PPP1R12B: variants seen among roughly 807,000 people sequenced by gnomAD.
PPP1R12B encodes the protein myosin phosphatase target subunit 2.
PPP1R12B carries 76 observed loss-of-function variants against 126.1 expected under a neutral mutation model. That is an observed-to-expected ratio of 0.60 (90% CI 0.50 to 0.73). The LOEUF (loss-of-function observed/expected upper bound fraction) is 0.73, where lower values mean the gene tolerates loss of function less well. Ranked by LOEUF, PPP1R12B falls within the 30% of genes least tolerant of loss-of-function variation. The pLI is 0.00. For missense variants in PPP1R12B, 1,052 were observed against 1,205.1 expected (o/e 0.87, Z 1.88); for synonymous variants, 356 against 434.7 (o/e 0.82, Z 2.25).
chr1:202,517,740 CTCA>C (rs1263034669), intron 18 of PPP1R12B, among the ~76,000 whole-genome samples: 1 of 152,048 alleles, frequency 6.6e-6, no homozygotes, highest in East Asian at 1.9e-4. Context: ...GTTCTCCTGC[CTCA>C]GCCTCTCAAG....
intron 12 of PPP1R12B, 89 bp downstream of exon 12, chr1:202,442,661 A>G (rs1337714354): frequency 2.2e-6 from 3 of 1,338,092 alleles, no homozygotes; most frequent in Non-Finnish European, 3.0e-6. Flanking sequence ...TGTCCAATTA[A>G]CACCGCAGAA....
chr1:202,551,863 G>A (rs1185930587), intron 18 of PPP1R12B, among the ~76,000 whole-genome samples: 1 of 152,184 alleles, frequency 6.6e-6, no homozygotes, highest in Non-Finnish European at 1.5e-5. Flanking sequence ...GCAGTAAGCA[G>A]CCACTACCCT....
intron 1 of PPP1R12B, among the ~76,000 whole-genome samples, chr1:202,401,194 C>G (rs1201312651): frequency 6.6e-6 from 1 of 151,052 alleles, no homozygotes; most frequent in Middle Eastern, 3.4e-3. Context: ...TCTCTTTTTT[C>G]TCTTTTTTTT....
chr1:202,366,189 C>T (rs1396446794), intron 1 of PPP1R12B, among the ~76,000 whole-genome samples: 4 of 151,998 alleles, frequency 2.6e-5, no homozygotes, highest in African/African-American at 9.7e-5. Context: ...GTGTAAGACC[C>T]CTGGTAAACT....
intron 21 of PPP1R12B, among the ~76,000 whole-genome samples, chr1:202,566,116 G>A (rs182297232): frequency 4.6e-5 from 7 of 152,178 alleles, no homozygotes; most frequent in East Asian, 1.9e-4. Flanking sequence ...TCTTCTCAGC[G>A]GAAGCTTCTG....
intron 10 of PPP1R12B, chr1:202,438,873 C>T: frequency 7.5e-7 from 1 of 1,326,882 alleles, no homozygotes; most frequent in South Asian, 1.2e-5. Context: ...CTGCTATAGC[C>T]CCCAGGGCAG....
At chr1:202,452,534 A>G (rs1427180869) in intron 13 of PPP1R12B, among the ~76,000 whole-genome samples, 1 of 151,362 alleles carries the variant, frequency 6.6e-6, no homozygotes, top group Non-Finnish European at 1.5e-5. Context: ...TCAGAGGGAG[A>G]CCGTTTAAAG....
At chr1:202,426,193 T>C (rs1474141210) in intron 4 of PPP1R12B, among the ~76,000 whole-genome samples, 2 of 152,208 alleles carry the variant, frequency 1.3e-5, no homozygotes, top group East Asian at 3.8e-4. Flanking sequence ...GTCTGTTCCA[T>C]TTTTCCTTAC....
At chr1:202,558,469 G>A (rs1043016874) in intron 18 of PPP1R12B, 2 of 158,118 alleles carry the variant, frequency 1.3e-5, no homozygotes, top group African/African-American at 4.8e-5. Flanking sequence ...GTGAACAAAG[G>A]AAATTAATAG....
chr1:202,365,286 A>C (rs1201129631), intron 1 of PPP1R12B, among the ~76,000 whole-genome samples: 1 of 151,878 alleles, frequency 6.6e-6, no homozygotes, highest in Non-Finnish European at 1.5e-5. Context: ...GGGAAATCCT[A>C]AGTCTAAAAA....
intron 1 of PPP1R12B, 94 bp downstream of exon 1, chr1:202,349,236 C>A: frequency 6.9e-7 from 1 of 1,440,532 alleles, no homozygotes. Context: ...GTGTTGCCGC[C>A]GACTCCTTCT....
chr1:202,407,119 C>T (rs900654405), intron 1 of PPP1R12B, among the ~76,000 whole-genome samples: 7 of 152,250 alleles, frequency 4.6e-5, no homozygotes, highest in Middle Eastern at 3.4e-3. Context: ...AGAGATCAGA[C>T]GTGTATAACC....
At chr1:202,411,270 C>CA (rs771739035) in intron 1 of PPP1R12B, among the ~76,000 whole-genome samples, 4,156 of 59,102 alleles carry the variant, frequency 0.07, 89 homozygotes, top group African/African-American at 0.12. Flanking sequence ...CTTCTGGAGG[C>CA]AAAAAAAAAA....
At chr1:202,381,240 T>C (rs1662207460) in intron 1 of PPP1R12B, among the ~76,000 whole-genome samples, 1 of 152,000 alleles carries the variant, frequency 6.6e-6, no homozygotes, top group South Asian at 2.1e-4. Flanking sequence ...TGAATTTCAG[T>C]GGGGGCAAGA....
chr1:202,457,315 C>T (rs532372294), intron 13 of PPP1R12B, among the ~76,000 whole-genome samples: 1 of 152,078 alleles, frequency 6.6e-6, no homozygotes, highest in East Asian at 1.9e-4. Flanking sequence ...TTTGGGAGGC[C>T]GAGGCGGGTG....
rs1323484567 is a variant in PPP1R12B at position 202,368,384 on chromosome 1, G to A, written c.291+19242G>A. Among the ~76,000 whole-genome samples the A allele has an allele frequency of 2.0e-5, 3 of 152,146 alleles. No individual in the cohort carries two copies. The East Asian group carries it at 5.8e-4, about 29-fold the overall frequency. On this transcript the variant is annotated intron_variant, in intron 1 of 23. Transcript: ENST00000608999. ...TCCACTGTGAGTAAAAGCTCCCTGA[G>A]GCCTCCCCAGGAGCCAAGCAGATGT...
intron 13 of PPP1R12B, among the ~76,000 whole-genome samples, chr1:202,464,380 G>A (rs1674710012): frequency 6.6e-6 from 1 of 152,172 alleles, no homozygotes; most frequent in Non-Finnish European, 1.5e-5. Flanking sequence ...GGCAGCAGAA[G>A]AACGTCTATT....
intron 1 of PPP1R12B, among the ~76,000 whole-genome samples, chr1:202,415,621 G>GT (rs1353821802): frequency 2.6e-5 from 4 of 151,890 alleles, no homozygotes; most frequent in Non-Finnish European, 5.9e-5. Context: ...AGATCTTTTG[G>GT]TTTTTTTAGA....
rs1689645719 is a variant in PPP1R12B at position 202,583,184 on chromosome 1, A to AGAT, written c.*2628_*2630dup. On this transcript the variant is annotated 3_prime_UTR_variant, in exon 24 of 24. Transcript: ENST00000608999. ...GAACATTTTGAATATTGGGGAAGGA[A>AGAT]GATGATACTTCTTTCTCAAGAAAAG... 1 of 152,210 alleles carries AGAT rather than the reference A, an allele frequency of 6.6e-6. No homozygotes were observed. The highest frequency in any genetic ancestry group is 6.5e-5 in the Admixed American group (1 of 15,280). The allele number at this position is 152,210 out of a possible 1,614,324, so 9.4% of individuals were successfully genotyped here. A position where few individuals can be genotyped will look rare whatever the true frequency, so the allele number is the denominator to read the frequency against.
Sources: gnomAD v4.1 joint callset for allele counts (sites outside exome capture counted in the v4.1 genomes callset) on GRCh38, gnomAD v4.1.1 for gene constraint, MANE v1.5 for transcripts, NCBI Gene and HGNC (gene_info 2026-07-23, HGNC 2026-07-21) for gene names.